The following ANO4 variants were observed in gnomAD, a reference collection of about 807,000 sequenced individuals.
The protein encoded by ANO4 is anoctamin 4, also known as anoctamin-4.
A neutral mutation model predicts 141.9 loss-of-function variants in ANO4; 69 were observed. The observed-to-expected ratio is 0.49, with a 90% CI of 0.40 to 0.59. The LOEUF is 0.59. Ranked by LOEUF, ANO4 falls within the 20% of genes least tolerant of loss-of-function variation. The pLI, the probability that ANO4 is intolerant of heterozygous loss-of-function variation, is 0.00. For synonymous variants in ANO4, 350 were observed against 394.3 expected (o/e 0.89, Z 1.33); for missense variants, 894 against 1,162.2 (o/e 0.77, Z 3.36).
chr12:100,759,392 G>A (rs1016119673), intron 3 of ANO4, among the ~76,000 whole-genome samples: 1 of 152,150 alleles, frequency 6.6e-6, no homozygotes, highest in Non-Finnish European at 1.5e-5. Flanking sequence ...ACTAGAATCA[G>A]GAGAAAGCAA....
chr12:101,063,745 CTTTTTTTTTTTTT>C, intron 14 of ANO4, among the ~76,000 whole-genome samples: 21 of 24,770 alleles, frequency 8.5e-4, no homozygotes, highest in Admixed American at 3.5e-3. Context: ...TCCAGGTTAT[CTTTTTTTTTTTTT>C]TTTTTTTTTT....
intron 14 of ANO4, among the ~76,000 whole-genome samples, chr12:101,060,125 A>C (rs2136722940): frequency 6.6e-6 from 1 of 152,194 alleles, no homozygotes; most frequent in South Asian, 2.1e-4. Flanking sequence ...TTCTGCCTTA[A>C]TTTCGTTATT....
intron 14 of ANO4, chr12:101,068,141 G>A: frequency 1.3e-6 from 1 of 748,208 alleles, no homozygotes; most frequent in East Asian, 4.9e-5. Flanking sequence ...AATAAGGAAG[G>A]TTAAGAAAAA....
intron 1 of ANO4, among the ~76,000 whole-genome samples, chr12:100,891,271 T>C (rs1010963825): frequency 6.6e-5 from 10 of 152,252 alleles, no homozygotes; most frequent in African/African-American, 2.4e-4. Flanking sequence ...TGAATAAAAC[T>C]GCTGTAAACA....
intron 2 of ANO4, among the ~76,000 whole-genome samples, chr12:100,907,290 T>A (rs1313543661): frequency 6.6e-6 from 1 of 152,212 alleles, no homozygotes; most frequent in African/African-American, 2.4e-5. Context: ...TCTTCCATTT[T>A]CTTTGCCATT....
chr12:100,890,414 G>A (rs987999783), intron 1 of ANO4, among the ~76,000 whole-genome samples: 3 of 152,172 alleles, frequency 2.0e-5, no homozygotes, highest in African/African-American at 7.2e-5. Context: ...CCTAGAAGTA[G>A]AATTCTTGGG....
chr12:100,842,952 T>C (rs17481642), intron 1 of ANO4, among the ~76,000 whole-genome samples: 7,242 of 152,246 alleles, frequency 0.048, 233 homozygotes, highest in Middle Eastern at 0.096. Flanking sequence ...TGTGTCTTAG[T>C]TCATCCTTTC....
At chr12:101,104,659 A>G (rs969699771) in intron 22 of ANO4, among the ~76,000 whole-genome samples, 6 of 61,828 alleles carry the variant, frequency 9.7e-5, no homozygotes, top group South Asian at 4.8e-4. Flanking sequence ...ATATATATAT[A>G]TATATATATA....
At chr12:100,776,160 A>G (rs1179276582) in intron 3 of ANO4, among the ~76,000 whole-genome samples, 1 of 152,168 alleles carries the variant, frequency 6.6e-6, no homozygotes, top group East Asian at 1.9e-4. Context: ...CTGAGAGGTA[A>G]AGTAACCTGT....
intron 2 of ANO4, among the ~76,000 whole-genome samples, chr12:100,913,848 T>C (rs994909083): frequency 1.2e-4 from 19 of 152,358 alleles, no homozygotes; most frequent in African/African-American, 3.8e-4. Context: ...CCTAGCTTTT[T>C]TGAGGATTGT....
At chr12:101,005,712 A>C (rs890015246) in intron 8 of ANO4, among the ~76,000 whole-genome samples, 1 of 152,220 alleles carries the variant, frequency 6.6e-6, no homozygotes, top group African/African-American at 2.4e-5. Context: ...TTTTGTTGAT[A>C]ATTTTGATGG....
rs562493426 is a variant in ANO4, at chr12:101,104,593, A to G, written c.2149+4873A>G. Among the ~76,000 whole-genome samples the G allele has an allele frequency of 7.9e-3, 745 of 94,678 alleles. 10 individuals are homozygous for G. The highest frequency in any genetic ancestry group is 0.035 in the African/African-American group (678 of 19,578). The allele number at this position is 94,678 out of a possible 152,430, so 62.1% of individuals were successfully genotyped here. The stretch of plus-strand genomic sequence containing the variant: ...ATTTCAGGCTTTTGATAATATATAT[A>G]TGTGTGTGTGTGTGTGTGTGTGTAT... On this transcript the variant is annotated intron_variant, in intron 22 of 27. Transcript: ENST00000392977.
intron 3 of ANO4, among the ~76,000 whole-genome samples, chr12:100,787,622 G>A (rs995987330): frequency 6.6e-6 from 1 of 152,108 alleles, no homozygotes; most frequent in Non-Finnish European, 1.5e-5. Flanking sequence ...TTCGCTCTGG[G>A]GAAAATTAAT....
chr12:100,963,476 C>CTGTGTGTGTGTGTCTG (rs773281880), intron 5 of ANO4, among the ~76,000 whole-genome samples: 6 of 151,698 alleles, frequency 4.0e-5, no homozygotes, highest in East Asian at 1.9e-4. Context: ...CACCAGGACA[C>CTGTGTGTGTGTGTCTG]TGTGTGTGTG....
upstream of ANO4, among the ~76,000 whole-genome samples, chr12:100,791,736 AGTT>A (rs1205645010): frequency 2.2e-4 from 33 of 152,200 alleles, no homozygotes; most frequent in Admixed American, 2.2e-3. Context: ...AGGCTGTTCC[AGTT>A]GTTCCTACAT....
rs549877814 is a variant in ANO4, at chr12:100,950,769, G to A, written c.456+8234G>A. On this transcript the variant is annotated intron_variant, in intron 5 of 27. Coordinates refer to ENST00000392977, the MANE Select transcript of ANO4 (RefSeq NM_001286615.2). ...GGTCTGTGAAGGTGGTGAGAGGTAG[G>A]CACTGTCCGTTTGGCTGAGGATCAT... 2.0e-5 allele frequency among the ~76,000 whole-genome samples: 3 copies of A among 152,296 alleles called. No homozygotes were observed. In the South Asian group the frequency reaches 6.2e-4, roughly 32 times the overall value.
At chr12:100,740,134 G>A (rs4764751) in intron 3 of ANO4, 481,230 of 699,704 alleles carry the variant, frequency 0.69, 166,980 homozygotes, top group East Asian at 0.85. Context: ...TTGGAGATTC[G>A]GGACTGGGTG....
intron 9 of ANO4, among the ~76,000 whole-genome samples, chr12:101,031,361 A>G (rs1390962754): frequency 2.0e-5 from 3 of 152,216 alleles, no homozygotes; most frequent in African/African-American, 7.2e-5. Flanking sequence ...TAGATGCAGA[A>G]AAGGCCTTCA....
chr12:100,912,698 G>A (rs982597131), intron 2 of ANO4, among the ~76,000 whole-genome samples: 3 of 152,160 alleles, frequency 2.0e-5, no homozygotes, highest in Non-Finnish European at 4.4e-5. Context: ...TTTGCTTATA[G>A]GATCTAAGGA....
Sources: allele counts gnomAD v4.1 joint callset (sites outside exome capture counted in the v4.1 genomes callset), GRCh38; gene constraint gnomAD v4.1.1; transcripts MANE v1.5; gene names NCBI Gene and HGNC (gene_info 2026-07-23, HGNC 2026-07-21).